MEGF11: variants seen among roughly 807,000 people sequenced by gnomAD.
MEGF11 encodes multiple epidermal growth factor-like domains protein 11.
A neutral mutation model predicts 146.6 loss-of-function variants in MEGF11; 126 were observed. That is an observed-to-expected ratio of 0.86 (90% CI 0.74 to 1.00). The LOEUF is 1.00. Ranked by LOEUF, MEGF11 falls within the 50% of genes least tolerant of loss-of-function variation. The pLI is 0.00. For missense variants in MEGF11, 1,509 were observed against 1,521.2 expected (o/e 0.99, Z 0.13); for synonymous variants, 532 against 583.4 (o/e 0.91, Z 1.27).
At chr15:66,033,153 G>A (rs148101454) in intron 5 of MEGF11, among the ~76,000 whole-genome samples, 1 of 151,174 alleles carries the variant, frequency 6.6e-6, no homozygotes, top group Non-Finnish European at 1.5e-5. Context: ...GTCATGCAAA[G>A]AGGGAAAAGG....
At chr15:66,163,662 A>G (rs1050996466) in intron 1 of MEGF11, among the ~76,000 whole-genome samples, 1 of 152,164 alleles carries the variant, frequency 6.6e-6, no homozygotes, top group African/African-American at 2.4e-5. Flanking sequence ...TGGCTGTCCT[A>G]ATAGAGGATT....
In MEGF11 at chr15:65,895,832, G is replaced by C. The variant is rs889276622; in HGVS notation, c.*2102C>G. The C allele has an allele frequency of 6.6e-6, 1 of 152,266 alleles. No homozygotes were observed. Among genetic ancestry groups the C allele is most frequent in the Admixed American group, 6.5e-5 (1 of 15,280 alleles). The allele number at this position is 152,266 out of a possible 1,614,324, so 9.4% of individuals were successfully genotyped here. A position where few individuals can be genotyped will look rare whatever the true frequency, so the allele number is the denominator to read the frequency against. ...GGAAAAAAGGGAGCCCAGAGAGGGC[G>C]ACTAACTTGACCAGAGTAACACTGA... On this transcript the variant is annotated 3_prime_UTR_variant, in exon 26 of 26. Transcript: ENST00000395614.
intron 5 of MEGF11, among the ~76,000 whole-genome samples, chr15:66,083,185 A>G (rs935126121): frequency 6.6e-6 from 1 of 152,232 alleles, no homozygotes; most frequent in African/African-American, 2.4e-5. Context: ...TTTTGGGGCT[A>G]TACCACCAGG....
chr15:66,181,074 A>G (rs1243313185), intron 1 of MEGF11, among the ~76,000 whole-genome samples: 2 of 152,254 alleles, frequency 1.3e-5, no homozygotes, highest in Non-Finnish European at 2.9e-5. Context: ...CTCCTTTTCC[A>G]AAGGGAAGAT....
chr15:65,935,322 GAAAAAAAAAAAAAAAAAAA>G (rs71139449), intron 10 of MEGF11, among the ~76,000 whole-genome samples: 35 of 35,200 alleles, frequency 9.9e-4, no homozygotes, highest in Middle Eastern at 0.015. Context: ...TCCGTCTCAA[GAAAAAAAAAAAAAAAAAAA>G]AAAAAAAAAA....
At chr15:65,999,218 T>G (rs945626260) in intron 5 of MEGF11, among the ~76,000 whole-genome samples, 1 of 151,624 alleles carries the variant, frequency 6.6e-6, no homozygotes, top group Non-Finnish European at 1.5e-5. Context: ...ATTGTAGAGA[T>G]GGGGTCTCCC....
At chr15:66,245,245 T>C (rs1262703368) in intron 1 of MEGF11, among the ~76,000 whole-genome samples, 3 of 152,180 alleles carry the variant, frequency 2.0e-5, no homozygotes, top group Non-Finnish European at 4.4e-5. Context: ...GCAGGCAGAT[T>C]GTTGAGACTT....
At chr15:66,235,910 G>A (rs562451753) in intron 1 of MEGF11, among the ~76,000 whole-genome samples, 1 of 152,240 alleles carries the variant, frequency 6.6e-6, no homozygotes, top group South Asian at 2.1e-4. Context: ...TACATGCCAG[G>A]GACAGCACTG....
At chr15:66,039,213 A>T (rs1282623825) in intron 5 of MEGF11, among the ~76,000 whole-genome samples, 2 of 152,290 alleles carry the variant, frequency 1.3e-5, no homozygotes, top group South Asian at 4.2e-4. Flanking sequence ...ACATGAAAAG[A>T]CAGAGGAACT....
At chr15:66,113,613 A>C (rs911854547) in intron 4 of MEGF11, among the ~76,000 whole-genome samples, 2 of 152,184 alleles carry the variant, frequency 1.3e-5, no homozygotes, top group African/African-American at 4.8e-5. Context: ...CTGAGTCAGT[A>C]AAGAAACCCT....
rs118122709 is a variant in MEGF11, at chr15:66,209,038, G to C, written c.-9+44567C>G. Among the ~76,000 whole-genome samples, 1,168 of 152,268 alleles carry C rather than the reference G, an allele frequency of 7.7e-3. 9 individuals are homozygous for C. The highest frequency in any genetic ancestry group is 0.014 in the Non-Finnish European group (921 of 68,024). On this transcript the variant is annotated intron_variant, in intron 1 of 25. Transcript: ENST00000395614. ...AAGGCTACAGCTACTCTGGAAAATA[G>C]TTTGGCAGTTTCTTTAAAAACTAAA...
At chr15:66,025,060 T>C (rs1490550549) in intron 5 of MEGF11, among the ~76,000 whole-genome samples, 3 of 150,838 alleles carry the variant, frequency 2.0e-5, no homozygotes, top group Non-Finnish European at 4.4e-5. Context: ...AGCCCCTCAC[T>C]GGATAATGAA....
chr15:66,022,558 C>T (rs958127490), intron 5 of MEGF11, among the ~76,000 whole-genome samples: 3 of 152,234 alleles, frequency 2.0e-5, no homozygotes, highest in African/African-American at 7.2e-5. Context: ...AGCACAGTGG[C>T]TTACACCTAT....
intron 1 of MEGF11, among the ~76,000 whole-genome samples, chr15:66,244,908 G>A (rs975204927): frequency 5.9e-5 from 9 of 152,122 alleles, no homozygotes; most frequent in African/African-American, 1.4e-4. Context: ...CACCCCCACT[G>A]CCTTGGGTCC....
At chr15:66,098,832 T>C (rs987519844) in intron 4 of MEGF11, among the ~76,000 whole-genome samples, 2 of 152,192 alleles carry the variant, frequency 1.3e-5, no homozygotes, top group African/African-American at 4.8e-5. Flanking sequence ...TACGTATTAG[T>C]GTGTGTCTGT....
intron 19 of MEGF11, among the ~76,000 whole-genome samples, chr15:65,914,302 G>A (rs1371636551): frequency 6.6e-6 from 1 of 152,156 alleles, no homozygotes; most frequent in Non-Finnish European, 1.5e-5. Context: ...TCCTTTCACA[G>A]ATGAAAAAAC....
Position 66,128,414 on chromosome 15 carries a change from G to T in MEGF11, c.-8-3C>A. The T allele has an allele frequency of 6.9e-7, 1 of 1,452,722 alleles. No homozygotes were observed. The highest frequency in any genetic ancestry group is 1.5e-5 in the African/African-American group (1 of 68,690). 90.0% of individuals were successfully genotyped at this position (1,452,722 alleles called of 1,614,324 possible). A position where few individuals can be genotyped will look rare whatever the true frequency, so the allele number is the denominator to read the frequency against. On this transcript the variant is annotated splice_polypyrimidine_tract_variant and splice_region_variant and intron_variant, in intron 1 of 25. Transcript: ENST00000395614. ...CAGGGAGAGCACCATCCCGGGCCCT[G>T]CACAGGAGAACAAAGGAGGCTGCGT...
At position 65,946,513 on chromosome 15, in the gene MEGF11, C is replaced by T. The variant is rs113445859; in HGVS notation, c.1287+11034G>A. Among the ~76,000 whole-genome samples, 555 of 152,314 alleles carry T rather than the reference C, an allele frequency of 3.6e-3. 4 individuals carry two copies. The highest frequency in any genetic ancestry group is 0.013 in the African/African-American group (537 of 41,562). On this transcript the variant is annotated intron_variant, in intron 10 of 25. Transcript: ENST00000395614. ...ATTCAAGCTATTCTCATGCCTCAGC[C>T]TCCCAAGTAGCTGGGACTACTGGCA...
In MEGF11 at chr15:65,913,811, T is replaced by G; in HGVS notation, c.2636A>C (p.Lys879Thr). ...GACACGGGGAGCCAGGTCTCGGCCCTTCTCTTTCTGCCGCCGCCGATGCCA... is the reference window on the plus strand; with the variant it reads ...GACACGGGGAGCCAGGTCTCGGCCCGTCTCTTTCTGCCGCCGCCGATGCCA... ...FAWHRRRQKE[K>T]GRDLAPRVSY... is the part of the protein sequence containing the mutation. Residue 879 changes from lysine to threonine, a missense_variant, in exon 20 of 26, where the codon AAG (lysine) becomes ACG (threonine). Lys to Thr is a moderately conservative substitution (Grantham distance 78). Transcript: ENST00000395614. 1.2e-6 allele frequency: 2 copies of G among 1,613,934 alleles called. No individual in the cohort carries two copies. Among genetic ancestry groups the G allele is most frequent in the Non-Finnish European group, 1.7e-6 (2 of 1,179,852 alleles).
Sources: allele counts gnomAD v4.1 joint callset (sites outside exome capture counted in the v4.1 genomes callset), GRCh38; gene constraint gnomAD v4.1.1; transcripts MANE v1.5; gene names NCBI Gene and HGNC (gene_info 2026-07-23, HGNC 2026-07-21).